ATP8B1: variants seen among roughly 807,000 people sequenced by gnomAD.
ATP8B1 encodes the protein phospholipid-transporting ATPase IC.
Under a neutral mutation model 149.9 loss-of-function variants are expected in ATP8B1, and 80 were observed. The ratio of observed to expected loss-of-function variants is 0.53; its 90% CI spans 0.45 to 0.64. The LOEUF is 0.64. Among genes scored for constraint, ATP8B1 ranks in the 30% least tolerant of loss-of-function variants. The pLI is 0.00. For synonymous variants in ATP8B1, 536 were observed against 562.8 expected (o/e 0.95, Z 0.67); for missense variants, 1,247 against 1,552.6 (o/e 0.80, Z 3.31).
rs139083067 is a variant in ATP8B1, at chr18:57,652,590, A to G, written c.3155T>C (p.Leu1052Pro). The G allele has an allele frequency of 6.2e-7, 1 of 1,614,202 alleles. No individual in the cohort carries two copies. Among genetic ancestry groups the G allele is most frequent in the African/African-American group, 1.3e-5 (1 of 75,054 alleles). Residue 1052 changes from leucine to proline, a missense_variant, in exon 25 of 28, where the codon CTT becomes CCT. Leu to Pro is a moderately conservative substitution (Grantham distance 98). Around this residue, in one of 3 missense-constraint regions of ATP8B1, gnomAD observed 230 missense variants for 356.6 expected, o/e 0.65. Transcript: ENST00000648908. ...CCCTACGGTTTGCAGATAAGCTCCA[A>G]GAGGTATGAAGAAGAGGATCATCGA... ...LTSMILFFIP[L>P]GAYLQTVGQD...
intron 2 of ATP8B1, among the ~76,000 whole-genome samples, chr18:57,711,275 A>G (rs1913674449): frequency 6.6e-6 from 1 of 152,224 alleles, no homozygotes; most frequent in Non-Finnish European, 1.5e-5. Context: ...GGGAACAGCC[A>G]GTTAAACACG....
intron 2 of ATP8B1, among the ~76,000 whole-genome samples, chr18:57,718,608 T>C (rs2079608108): frequency 6.6e-6 from 1 of 152,200 alleles, no homozygotes; most frequent in African/African-American, 2.4e-5. Context: ...TGAATGTTGA[T>C]GCAAAAATCC....
Position 57,688,484 on chromosome 18 carries a change from T to C in ATP8B1, c.1244A>G (p.Gln415Arg). 1 of 1,614,218 alleles carries C rather than the reference T, an allele frequency of 6.2e-7. No individual in the cohort carries two copies. The highest frequency in any genetic ancestry group is 8.5e-7 in the Non-Finnish European group (1 of 1,180,026). ...YVSVEVIRLG[Q>R]SHFINWDLQM... Reference sequence around the variant, plus strand: ...CAGGTCCCAGTTGATGAAGTGACTCTGTCCAAGACGAATCACTTCCACGCT... The same window carrying C: ...CAGGTCCCAGTTGATGAAGTGACTCCGTCCAAGACGAATCACTTCCACGCT... The change falls in exon 13 of 28, where the codon CAG becomes CGG. Residue 415 changes from glutamine (Q) to arginine (R), a missense_variant. This residue lies in a region of ATP8B1 where 853 missense variants were observed against 1,035.7 expected (regional missense o/e 0.82). Transcript: ENST00000648908.
chr18:57,695,065 G>A (rs1339219740), intron 10 of ATP8B1, 106 bp downstream of exon 10: 1 of 614,060 alleles, frequency 1.6e-6, no homozygotes. Context: ...AGCTCATGAT[G>A]CTATTACTCT....
chr18:57,795,078 C>T (rs1047131251), intron 1 of ATP8B1, among the ~76,000 whole-genome samples: 2 of 152,068 alleles, frequency 1.3e-5, no homozygotes, highest in Non-Finnish European at 2.9e-5. Flanking sequence ...ATGTGTATGC[C>T]CAGGTCCATG....
In ATP8B1 at chr18:57,648,277, C is replaced by T. The variant is rs1237414762; in HGVS notation, c.*211G>A. 1.2e-5 allele frequency: 8 copies of T among 671,544 alleles called. No homozygotes were observed. The highest frequency in any genetic ancestry group is 2.8e-5 in the East Asian group (1 of 36,170). The allele number at this position is 671,544 out of a possible 1,614,324, so 41.6% of individuals were successfully genotyped here. On this transcript the variant is annotated 3_prime_UTR_variant, in exon 28 of 28. Coordinates refer to ENST00000648908, the MANE Select transcript of ATP8B1 (RefSeq NM_001374385.1). The stretch of plus-strand genomic sequence containing the variant: ...CTGGGATTACAGACCTGAGCCACCA[C>T]GCCCGGCCGAATAATAGGACTTTTA...
At chr18:57,800,172 G>A (rs944483357) in intron 1 of ATP8B1, among the ~76,000 whole-genome samples, 5 of 152,106 alleles carry the variant, frequency 3.3e-5, no homozygotes, top group African/African-American at 9.7e-5. Flanking sequence ...AATTTAAAAG[G>A]CATCTCTTTT....
intron 1 of ATP8B1, among the ~76,000 whole-genome samples, chr18:57,750,592 C>T (rs1263220284): frequency 1.3e-5 from 2 of 152,228 alleles, no homozygotes; most frequent in East Asian, 3.8e-4. Context: ...CCTCCAAGTG[C>T]TCCGCAGCTA....
intron 1 of ATP8B1, among the ~76,000 whole-genome samples, chr18:57,798,763 T>G (rs79773479): frequency 0.15 from 23,153 of 151,826 alleles, 1,910 homozygotes; most frequent in South Asian, 0.19. Context: ...CCCTCACGAG[T>G]TCTCCTGCAA....
intron 20 of ATP8B1, among the ~76,000 whole-genome samples, chr18:57,662,910 C>T (rs1910568770): frequency 1.3e-5 from 2 of 152,112 alleles, no homozygotes; most frequent in Admixed American, 6.6e-5. Context: ...CACGCTATCA[C>T]GCCTGGCTAA....
intron 13 of ATP8B1, among the ~76,000 whole-genome samples, chr18:57,686,556 G>A (rs1205140281): frequency 1.3e-5 from 2 of 152,068 alleles, no homozygotes; most frequent in African/African-American, 4.8e-5. Context: ...GAATAGCTGG[G>A]ACTAGAGGCA....
At position 57,692,014 on chromosome 18, in the gene ATP8B1, A is replaced by G. The variant is rs370207576; in HGVS notation, c.1030-17T>C. 3.1e-6 allele frequency: 5 copies of G among 1,601,672 alleles called. No individual in the cohort carries two copies. The highest frequency in any genetic ancestry group is 4.3e-6 in the Non-Finnish European group (5 of 1,174,256). On this transcript the variant is annotated splice_polypyrimidine_tract_variant and intron_variant, in intron 11 of 27. Transcript: ENST00000648908. ...AACAAAGATCTAGAAGACAGAAAAC[A>G]TTTAAATGCATTCTGAAGATGGATT...
chr18:57,709,846 A>G (rs951293088), intron 2 of ATP8B1, among the ~76,000 whole-genome samples: 5 of 151,506 alleles, frequency 3.3e-5, no homozygotes, highest in African/African-American at 1.2e-4. Context: ...CGCCCGGCTA[A>G]TTTTTGTATT....
At chr18:57,662,332 T>C in intron 21 of ATP8B1, 151 bp downstream of exon 21, 1 of 837,300 alleles carries the variant, frequency 1.2e-6, no homozygotes, top group Non-Finnish European at 1.9e-6. Flanking sequence ...ATATCATATA[T>C]TATTAAGTCT....
rs752188347 is a variant in ATP8B1, at chr18:57,674,941, G to A, written c.1712C>T (p.Ala571Val). Reference protein sequence around the residue: ...AARNFGFAFLARTQNTITISE... With the variant: ...AARNFGFAFLVRTQNTITISE... ...GATGGTGATGGTGTTCTGGGTCCTG[G>A]CGAGGAAGGCAAAGCCAAAGTTCCT... Residue 571 changes from alanine to valine, a missense_variant, in exon 16 of 28, where the codon GCC becomes GTC. Transcript: ENST00000648908. 2.5e-6 allele frequency: 4 copies of A among 1,614,240 alleles called. No homozygotes were observed. In the East Asian group the frequency reaches 8.9e-5, roughly 36 times the overall value.
chr18:57,669,329 T>C lies in ATP8B1; in HGVS notation c.2086A>G (p.Lys696Glu), dbSNP rs1419931995. Reference sequence around the variant, plus strand: ...AGGCTAAAACTCACAATTAAGTCTTTTTCAATCTCCTCATATACTTTATCC... The same window carrying C: ...AGGCTAAAACTCACAATTAAGTCTTCTTCAATCTCCTCATATACTTTATCC... ...ALDKVYEEIE[K>E]DLILLGATAI... Residue 696 changes from lysine (K) to glutamate (E), a missense_variant, in exon 18 of 28, where the codon AAA (lysine) becomes GAA (glutamate). By Grantham distance (56) the Lys-to-Glu change is moderately conservative. This residue lies in a region of ATP8B1 where 853 missense variants were observed against 1,035.7 expected (regional missense o/e 0.82). Transcript: ENST00000648908. 6.2e-7 allele frequency: 1 copy of C among 1,601,156 alleles called. No individual in the cohort carries two copies. Among genetic ancestry groups the C allele is most frequent in the Non-Finnish European group, 8.5e-7 (1 of 1,175,896 alleles).
chr18:57,766,001 A>G (rs999307293), intron 1 of ATP8B1, among the ~76,000 whole-genome samples: 4 of 151,768 alleles, frequency 2.6e-5, no homozygotes, highest in African/African-American at 9.7e-5. Context: ...TTAAGATGGT[A>G]GATTGTATGT....
chr18:57,668,429 C>A lies in ATP8B1; in HGVS notation c.2209G>T (p.Glu737Ter). The A allele has an allele frequency of 6.3e-7, 1 of 1,596,876 alleles. No individual in the cohort carries two copies. The highest frequency in any genetic ancestry group is 2.2e-5 in the East Asian group (1 of 44,768). Residue 737 changes from glutamate (E) to a stop codon, truncating the protein, a stop_gained and splice_region_variant, in exon 19 of 28, where the codon GAA (glutamate) becomes TAA (stop). Transcript: ENST00000648908. LOFTEE classifies it high-confidence loss of function. ...KIWVLTGDKK[E>*]TAENIGFACE... is the part of the protein sequence containing the mutation. ...TATGCTTCCCTGCACAATGAATTAC[C>A]CTTTTTGTCTCCAGTAAGCACCCAG...
chr18:57,773,161 C>T (rs1415214829), intron 1 of ATP8B1, among the ~76,000 whole-genome samples: 1 of 140,214 alleles, frequency 7.1e-6, no homozygotes, highest in Non-Finnish European at 1.5e-5. Context: ...AAGATCACAC[C>T]ATTGCACTCC....
Sources: allele counts gnomAD v4.1 joint callset (sites outside exome capture counted in the v4.1 genomes callset), GRCh38; gene constraint gnomAD v4.1.1; regional missense constraint gnomAD v4.1.1; transcripts MANE v1.5; gene names NCBI Gene and HGNC (gene_info 2026-07-23, HGNC 2026-07-21).